Variants in CNBD1 observed in about 807,000 individuals in gnomAD.
CNBD1 encodes cyclic nucleotide binding domain containing 1, also known as cyclic nucleotide-binding domain-containing protein 1.
CNBD1 carries 71 observed loss-of-function variants against 54.4 expected under a neutral mutation model. That is an observed-to-expected ratio of 1.30 (90% CI 1.08 to 1.59). The LOEUF (loss-of-function observed/expected upper bound fraction) is 1.59. Among genes scored for constraint, CNBD1 ranks in the 40% most tolerant of loss-of-function variants. The pLI is 0.00. For synonymous variants in CNBD1, 182 were observed against 170.7 expected, an observed-to-expected ratio of 1.07 and a Z score of -0.51; for missense variants, 659 against 518.0, an observed-to-expected ratio of 1.27 and a Z score of -2.64.
At chr8:87,068,930 C>A (rs1810707853) in intron 4 of CNBD1, among the ~76,000 whole-genome samples, 1 of 151,980 alleles carries the variant, frequency 6.6e-6, no homozygotes, top group Non-Finnish European at 1.5e-5. Context: ...TAGTAAGCAC[C>A]TTTTGGTACT....
At position 86,872,770 on chromosome 8, in the gene CNBD1, T is replaced by G. The variant is rs549434320; in HGVS notation, c.88+6187T>G. On this transcript the variant is annotated intron_variant, in intron 1 of 10. Coordinates refer to ENST00000518476, the MANE Select transcript of CNBD1 (RefSeq NM_173538.3). ...TTTGCCCATTTTTCAAGTTGGACTA[T>G]GTGTTTGCTTGTTACTGAATTGTTT... Among the ~76,000 whole-genome samples the G allele has an allele frequency of 2.6e-5, 4 of 152,342 alleles. No individual in the cohort carries two copies. The East Asian group carries it at 7.7e-4, about 29-fold the overall frequency.
chr8:87,234,435 T>C (rs1445870704), intron 5 of CNBD1, among the ~76,000 whole-genome samples: 1 of 152,220 alleles, frequency 6.6e-6, no homozygotes, highest in Non-Finnish European at 1.5e-5. Flanking sequence ...GATTGATAGG[T>C]TGCAGAATGA....
chr8:87,102,136 C>G (rs1811440999), intron 4 of CNBD1, among the ~76,000 whole-genome samples: 1 of 152,074 alleles, frequency 6.6e-6, no homozygotes, highest in Non-Finnish European at 1.5e-5. Context: ...ATCTGCCCGC[C>G]TCGGCCTCCC....
chr8:86,934,710 T>A (rs1360379374), intron 3 of CNBD1, among the ~76,000 whole-genome samples: 1 of 152,356 alleles, frequency 6.6e-6, no homozygotes, highest in East Asian at 1.9e-4. Flanking sequence ...TGAGGTGTTT[T>A]TTTAGATACC....
At chr8:87,423,688 T>C (rs1018776601) in intron 2 of CNBD1, among the ~76,000 whole-genome samples, 2 of 150,368 alleles carry the variant, frequency 1.3e-5, no homozygotes, top group Non-Finnish European at 3.0e-5. Flanking sequence ...CAGTATTTTA[T>C]TGAGGATTTT....
At chr8:87,138,978 C>G (rs1286296229) in intron 4 of CNBD1, among the ~76,000 whole-genome samples, 1 of 152,160 alleles carries the variant, frequency 6.6e-6, no homozygotes, top group Non-Finnish European at 1.5e-5. Context: ...ATTTGAATAA[C>G]AATTTTTAAA....
chr8:87,289,863 G>GA (rs1394643282), intron 8 of CNBD1, among the ~76,000 whole-genome samples: 1 of 152,088 alleles, frequency 6.6e-6, no homozygotes, highest in Non-Finnish European at 1.5e-5. Context: ...ACACTCTTGA[G>GA]CATCCCAGAA....
At chr8:87,180,640 C>T (rs1813293439) in intron 4 of CNBD1, among the ~76,000 whole-genome samples, 2 of 152,108 alleles carry the variant, frequency 1.3e-5, no homozygotes, top group Non-Finnish European at 2.9e-5. Context: ...AATTTAATCA[C>T]ATATTTGATA....
chr8:86,996,913 AC>A (rs1474566888), intron 4 of CNBD1, among the ~76,000 whole-genome samples: 1 of 152,134 alleles, frequency 6.6e-6, no homozygotes, highest in Non-Finnish European at 1.5e-5. Context: ...CATAGATGGT[AC>A]CTTTTTGGTT....
chr8:87,426,934 T>C (rs576971759), intron 2 of CNBD1, among the ~76,000 whole-genome samples: 1 of 152,096 alleles, frequency 6.6e-6, no homozygotes, highest in East Asian at 1.9e-4. Context: ...CTTTCTCAAT[T>C]AATAATATAA....
At chr8:87,216,048 A>G (rs925483121) in intron 5 of CNBD1, among the ~76,000 whole-genome samples, 1 of 152,268 alleles carries the variant, frequency 6.6e-6, no homozygotes. Context: ...TCTGCATTGC[A>G]TTATGTACTT....
intron 4 of CNBD1, among the ~76,000 whole-genome samples, chr8:87,088,647 T>G (rs1393726321): frequency 6.6e-6 from 1 of 152,110 alleles, no homozygotes; most frequent in Non-Finnish European, 1.5e-5. Flanking sequence ...GAATCTAAAT[T>G]TTGACATTGG....
In CNBD1 at chr8:87,241,679, A is replaced by G. The variant is rs191405639; in HGVS notation, c.771+4567A>G. Among the ~76,000 whole-genome samples, 4 of 152,318 alleles carry G rather than the reference A, an allele frequency of 2.6e-5. No individual in the cohort carries two copies. In the East Asian group the frequency reaches 7.7e-4, roughly 29 times the overall value. On this transcript the variant is annotated intron_variant, in intron 6 of 10. Transcript: ENST00000518476. The stretch of plus-strand genomic sequence containing the variant: ...ACTGCTTTGGTCTAGGAGTGAGATT[A>G]CAAAGGCAGGGAATACACAGTGATT...
At chr8:87,383,171 A>G (rs1811116166), downstream of CNBD1, among the ~76,000 whole-genome samples, 1 of 152,210 alleles carries the variant, frequency 6.6e-6, no homozygotes, top group Non-Finnish European at 1.5e-5. Context: ...ATTTTGTAAT[A>G]AAGTCATTTC....
intron 4 of CNBD1, among the ~76,000 whole-genome samples, chr8:87,173,901 C>T (rs1563495522): frequency 6.6e-6 from 1 of 151,496 alleles, no homozygotes; most frequent in African/African-American, 2.4e-5. Flanking sequence ...CTTAGATTTG[C>T]TCTTTTGATT....
In CNBD1 at chr8:87,273,995, C is replaced by T. The variant is rs566753529; in HGVS notation, c.772-10683C>T. On this transcript the variant is annotated intron_variant, in intron 6 of 10. Transcript: ENST00000518476. ...TCCATGTGTTCTCATTGTTCAATTC[C>T]CACCTATGAGTGAGAATATGCGGTG... 8.1e-5 allele frequency among the ~76,000 whole-genome samples: 12 copies of T among 148,860 alleles called. No homozygotes were observed. The South Asian group carries it at 2.3e-3, about 29-fold the overall frequency.
At chr8:87,143,538 G>A (rs989127636) in intron 4 of CNBD1, among the ~76,000 whole-genome samples, 1 of 152,138 alleles carries the variant, frequency 6.6e-6, no homozygotes, top group Non-Finnish European at 1.5e-5. Context: ...AGAATGTAAA[G>A]TAATCCTGAA....
intron 2 of CNBD1, among the ~76,000 whole-genome samples, chr8:87,423,235 A>G (rs1807977845): frequency 6.6e-6 from 1 of 151,944 alleles, no homozygotes. Context: ...GGACAATTTG[A>G]CTTCCTCTTT....
intron 8 of CNBD1, among the ~76,000 whole-genome samples, chr8:87,293,035 T>C (rs1808814392): frequency 6.6e-6 from 1 of 152,182 alleles, no homozygotes; most frequent in Non-Finnish European, 1.5e-5. Flanking sequence ...AAGAGTCTGC[T>C]GTCTGTACCT....
Sources: allele counts gnomAD v4.1 joint callset (sites outside exome capture counted in the v4.1 genomes callset), GRCh38; gene constraint gnomAD v4.1.1; transcripts MANE v1.5; gene names NCBI Gene and HGNC (gene_info 2026-07-23, HGNC 2026-07-21).